Variants in CRIM1 observed in about 807,000 individuals in gnomAD.
CRIM1 encodes cysteine rich transmembrane BMP regulator 1.
Under a neutral mutation model 116.4 loss-of-function variants are expected in CRIM1, and 32 were observed. That is an observed-to-expected ratio of 0.27 (90% CI 0.21 to 0.37). The LOEUF (loss-of-function observed/expected upper bound fraction) is 0.37. CRIM1 is among the 10% of genes least tolerant of loss of function. The pLI, the probability that CRIM1 is intolerant of heterozygous loss-of-function variation, is 1.00. For missense variants in CRIM1, 1,331 were observed against 1,354.8 expected (o/e 0.98, Z 0.28); for synonymous variants, 590 against 509.2 (o/e 1.16, Z -2.13).
At chr2:36,467,187 T>G (rs848560) in intron 5 of CRIM1, among the ~76,000 whole-genome samples, 13,899 of 152,236 alleles carry the variant, frequency 0.091, 1,017 homozygotes, top group Admixed American at 0.21. Flanking sequence ...GCTTCTTTCT[T>G]GCCACCATAA....
chr2:36,457,526 AG>A (rs1289232473), intron 4 of CRIM1, among the ~76,000 whole-genome samples: 3 of 152,142 alleles, frequency 2.0e-5, no homozygotes, highest in African/African-American at 4.8e-5. Context: ...TGTCAGTGTT[AG>A]GGGGTGTAAA....
intron 8 of CRIM1, 193 bp downstream of exon 8, chr2:36,499,540 GT>G (rs1469391438): frequency 1.8e-6 from 1 of 547,376 alleles, no homozygotes; most frequent in Non-Finnish European, 3.1e-6. Context: ...GCTTTATTGT[GT>G]TTTTTTCTCT....
chr2:36,548,510 CCT>C lies in CRIM1; in HGVS notation c.2935-11_2935-10del, dbSNP rs766159150. Reference sequence around the variant, plus strand: ...ACTAATTTTTTGTGGTTTTATTCCTCCTCTCATTAAATAGCCTTCTTCCTTAA... The same window carrying C: ...ACTAATTTTTTGTGGTTTTATTCCTCCTCATTAAATAGCCTTCTTCCTTAA... On this transcript the variant is annotated splice_polypyrimidine_tract_variant and intron_variant, in intron 16 of 16. Coordinates refer to ENST00000280527, the MANE Select transcript of CRIM1 (RefSeq NM_016441.3). The C allele has an allele frequency of 2.0e-6, 3 of 1,537,226 alleles. No homozygotes were observed. The African/African-American group carries it at 4.2e-5, about 21-fold the overall frequency.
At chr2:36,470,797 A>G (rs1678442022) in intron 5 of CRIM1, among the ~76,000 whole-genome samples, 1 of 152,160 alleles carries the variant, frequency 6.6e-6, no homozygotes, top group African/African-American at 2.4e-5. Context: ...TAAGAAAAAC[A>G]TTTCATAAGA....
At chr2:36,364,072 C>T (rs1215318914) in intron 1 of CRIM1, among the ~76,000 whole-genome samples, 1 of 152,126 alleles carries the variant, frequency 6.6e-6, no homozygotes, top group Non-Finnish European at 1.5e-5. Context: ...TCGTCGGTAC[C>T]TCCTAGGTTC....
chr2:36,531,671 A>T (rs1666129874), intron 13 of CRIM1: 1 of 281,816 alleles, frequency 3.5e-6, no homozygotes, highest in Non-Finnish European at 7.0e-6. Context: ...AAGTTTAAAC[A>T]GTTGAAGAAG....
At chr2:36,510,583 T>C (rs1463723775) in intron 9 of CRIM1, among the ~76,000 whole-genome samples, 3 of 152,238 alleles carry the variant, frequency 2.0e-5, no homozygotes, top group South Asian at 4.1e-4. Flanking sequence ...TTAGCTGCCA[T>C]GCCTAGGTGT....
At chr2:36,534,860 A>C (rs1558411249) in intron 13 of CRIM1, among the ~76,000 whole-genome samples, 2 of 152,124 alleles carry the variant, frequency 1.3e-5, no homozygotes, top group Non-Finnish European at 2.9e-5. Context: ...TTTGTACGGT[A>C]ACACTGTTAC....
At chr2:36,369,165 C>G (rs1471527345) in intron 1 of CRIM1, 1 of 152,258 alleles carries the variant, frequency 6.6e-6, no homozygotes, top group Non-Finnish European at 1.5e-5. Flanking sequence ...TAATGAGAAT[C>G]TGCATGCCAA....
intron 1 of CRIM1, among the ~76,000 whole-genome samples, chr2:36,378,204 G>T (rs1558515140): frequency 6.6e-6 from 1 of 152,362 alleles, no homozygotes; most frequent in East Asian, 1.9e-4. Flanking sequence ...ACAGCACTGT[G>T]TAAGTCGCAG....
chr2:36,469,952 C>T (rs1317108436), intron 5 of CRIM1, among the ~76,000 whole-genome samples: 1 of 152,192 alleles, frequency 6.6e-6, no homozygotes, highest in African/African-American at 2.4e-5. Flanking sequence ...CACTTCCCCT[C>T]TTCTCCCTGT....
chr2:36,418,318 C>T (rs922257427), intron 2 of CRIM1, among the ~76,000 whole-genome samples: 2 of 152,112 alleles, frequency 1.3e-5, no homozygotes, highest in Non-Finnish European at 2.9e-5. Context: ...TTATTGTTTG[C>T]TTTTTGAGAT....
chr2:36,478,276 T>A (rs901195168), intron 6 of CRIM1, among the ~76,000 whole-genome samples: 2 of 152,200 alleles, frequency 1.3e-5, no homozygotes, highest in African/African-American at 4.8e-5. Flanking sequence ...ATGTTGACAA[T>A]TAAAAAGAAT....
Position 36,550,008 on chromosome 2 carries a change from T to TTTAA in CRIM1, c.*1310_*1313dup, listed in dbSNP as rs1461960634. The TTTAA allele has an allele frequency of 6.6e-6, 1 of 152,272 alleles. No homozygotes were observed. Among genetic ancestry groups the TTTAA allele is most frequent in the African/African-American group, 2.4e-5 (1 of 41,294 alleles). 9.4% of individuals were successfully genotyped at this position (152,272 alleles called of 1,614,324 possible). A position where few individuals can be genotyped will look rare whatever the true frequency, so the allele number is the denominator to read the frequency against. On this transcript the variant is annotated 3_prime_UTR_variant, in exon 17 of 17. Coordinates refer to ENST00000280527, the MANE Select transcript of CRIM1 (RefSeq NM_016441.3). ...ACACAAAATCTCATTCTACCTGCAG[T>TTTAA]TTAATTGGAAAGATGTGTGTGTGAG... is the stretch of plus-strand genomic sequence containing the variant.
chr2:36,421,139 T>G (rs1674032401), intron 2 of CRIM1, among the ~76,000 whole-genome samples: 1 of 152,244 alleles, frequency 6.6e-6, no homozygotes, highest in Non-Finnish European at 1.5e-5. Flanking sequence ...AAATTTAACA[T>G]GAGTGCTTAT....
At chr2:36,362,321 T>A (rs181124676) in intron 1 of CRIM1, among the ~76,000 whole-genome samples, 63 of 151,586 alleles carry the variant, frequency 4.2e-4, no homozygotes, top group Non-Finnish European at 5.0e-4. Flanking sequence ...GAAAGGGGAA[T>A]TTGAATTTGA....
At chr2:36,483,135 C>T (rs779994925) in intron 7 of CRIM1, among the ~76,000 whole-genome samples, 3 of 152,158 alleles carry the variant, frequency 2.0e-5, no homozygotes, top group Admixed American at 6.5e-5. Context: ...TATATTCTCA[C>T]ATTTTGCTTT....
At chr2:36,461,489 A>T in intron 4 of CRIM1, among the ~76,000 whole-genome samples, 1 of 152,128 alleles carries the variant, frequency 6.6e-6, no homozygotes, top group Admixed American at 6.5e-5. Flanking sequence ...GTAGAGGAAA[A>T]TCTAGTCTCT....
intron 4 of CRIM1, among the ~76,000 whole-genome samples, chr2:36,446,573 T>G (rs1261592883): frequency 6.6e-6 from 1 of 152,228 alleles, no homozygotes; most frequent in Non-Finnish European, 1.5e-5. Context: ...TCTCTTGAAC[T>G]TCATCCTGTT....
Sources: gnomAD v4.1 joint callset for allele counts (sites outside exome capture counted in the v4.1 genomes callset) on GRCh38, gnomAD v4.1.1 for gene constraint, MANE v1.5 for transcripts, NCBI Gene and HGNC (gene_info 2026-07-23, HGNC 2026-07-21) for gene names.